ATRN: variants seen among roughly 807,000 people sequenced by gnomAD.
ATRN encodes attractin-2.
ATRN carries 54 observed loss-of-function variants against 178.7 expected under a neutral mutation model. The ratio of observed to expected loss-of-function variants is 0.30; its 90% confidence interval spans 0.24 to 0.38. ATRN has a LOEUF of 0.38. Ranked by LOEUF, ATRN falls within the 10% of genes least tolerant of loss-of-function variation. The pLI, the probability that ATRN is intolerant of heterozygous loss-of-function variation, is 1.00. For synonymous variants in ATRN, 636 were observed against 663.0 expected (o/e 0.96, Z 0.63); for missense variants, 1,443 against 1,815.1 (o/e 0.79, Z 3.73).
At chr20:3,581,853 T>C (rs1364862116) in intron 15 of ATRN, among the ~76,000 whole-genome samples, 1 of 152,230 alleles carries the variant, frequency 6.6e-6, no homozygotes, top group Admixed American at 6.5e-5. Flanking sequence ...TAATCTACCA[T>C]GGCTGAGTCA....
At chr20:3,553,012 C>T (rs2085810942) in intron 6 of ATRN, among the ~76,000 whole-genome samples, 1 of 152,056 alleles carries the variant, frequency 6.6e-6, no homozygotes, top group Non-Finnish European at 1.5e-5. Flanking sequence ...CTGCTTACCT[C>T]CTAGGGGAGG....
In ATRN at chr20:3,632,917, G is replaced by A. The variant is rs1199312290; in HGVS notation, c.3864-1394G>A. The stretch of plus-strand genomic sequence containing the variant: ...TGCCAAGGCAGGCAGATCACTTGAG[G>A]TTAGGAGTTTGAGACCAGACTGGCC... On this transcript the variant is annotated intron_variant, in intron 25 of 28. Transcript: ENST00000262919. The surrounding 1 kb of genome is among the most constrained non-coding windows in gnomAD (Gnocchi z 4.2). Among the ~76,000 whole-genome samples the A allele has an allele frequency of 6.6e-6, 1 of 152,204 alleles. No homozygotes were observed. The highest frequency in any genetic ancestry group is 2.4e-5 in the African/African-American group (1 of 41,438).
At chr20:3,473,677 A>G (rs1040227206) in intron 1 of ATRN, among the ~76,000 whole-genome samples, 2 of 152,226 alleles carry the variant, frequency 1.3e-5, no homozygotes, top group African/African-American at 4.8e-5. Flanking sequence ...TGGTTGAGTC[A>G]GACGAGGATC....
chr20:3,587,880 CTG>C (rs2086380105), intron 18 of ATRN, among the ~76,000 whole-genome samples: 1 of 152,146 alleles, frequency 6.6e-6, no homozygotes, highest in Admixed American at 6.6e-5. Flanking sequence ...GGGTCTCACT[CTG>C]TCACCCAGGC....
intron 6 of ATRN, among the ~76,000 whole-genome samples, chr20:3,551,057 G>T (rs1008677292): frequency 6.6e-6 from 1 of 152,206 alleles, no homozygotes; most frequent in Non-Finnish European, 1.5e-5. Context: ...CCTGGCTGGT[G>T]CAGTGCACCC....
intron 1 of ATRN, among the ~76,000 whole-genome samples, chr20:3,517,039 C>G (rs773825384): frequency 4.6e-5 from 7 of 152,096 alleles, no homozygotes; most frequent in Non-Finnish European, 7.4e-5. Flanking sequence ...ATTTCTGGTT[C>G]TAGATCTTTG....
At chr20:3,602,098 G>A (rs929780231) in intron 23 of ATRN, among the ~76,000 whole-genome samples, 1 of 152,076 alleles carries the variant, frequency 6.6e-6, no homozygotes, top group Non-Finnish European at 1.5e-5. Context: ...GGAAGCCAAG[G>A]TGGGAAGATC....
At position 3,598,014 on chromosome 20, in the gene ATRN, A is replaced by G; in HGVS notation, c.3564+14A>G. On this transcript the variant is annotated intron_variant, in intron 22 of 28. Transcript: ENST00000262919. Reference sequence around the variant, plus strand: ...ACTCCTGACGAAGTAAGATTTTTTAAAGTCTTCCTATTTTGTTTTGAATTT... The same window carrying G: ...ACTCCTGACGAAGTAAGATTTTTTAGAGTCTTCCTATTTTGTTTTGAATTT... The G allele has an allele frequency of 6.5e-7, 1 of 1,538,416 alleles. No homozygotes were observed. The highest frequency in any genetic ancestry group is 9.0e-7 in the Non-Finnish European group (1 of 1,112,824).
At chr20:3,495,918 A>G (rs2084872621) in intron 1 of ATRN, among the ~76,000 whole-genome samples, 1 of 152,140 alleles carries the variant, frequency 6.6e-6, no homozygotes, top group Non-Finnish European at 1.5e-5. Flanking sequence ...AATAAAAATG[A>G]TTAAGGAGAG....
At chr20:3,517,861 CCCCAGGAGTCTTCGTAGCTT>C (rs1214143849) in intron 1 of ATRN, among the ~76,000 whole-genome samples, 1 of 151,966 alleles carries the variant, frequency 6.6e-6, no homozygotes, top group Non-Finnish European at 1.5e-5. Context: ...GGCCCTGGAG[CCCCAGGAGTCTTCGTAGCTT>C]CCCACTCAGG....
At chr20:3,637,152 G>GAA (rs1045355937) in intron 26 of ATRN, among the ~76,000 whole-genome samples, 2 of 152,178 alleles carry the variant, frequency 1.3e-5, no homozygotes, top group Non-Finnish European at 2.9e-5. Context: ...TTACCCGTGT[G>GAA]ATTTGGAATT....
At chr20:3,509,335 TCTGACAAAATAGACTTAAGAAGGA>T (rs2146123908) in intron 1 of ATRN, among the ~76,000 whole-genome samples, 1 of 152,334 alleles carries the variant, frequency 6.6e-6, no homozygotes, top group South Asian at 2.1e-4. Context: ...TATGTCTATA[TCTGACAAAATAGACTTAAGAAGGA>T]TTGCTAGAGG....
At chr20:3,639,748 T>G (rs185714107) in intron 27 of ATRN, among the ~76,000 whole-genome samples, 2 of 152,292 alleles carry the variant, frequency 1.3e-5, no homozygotes, top group African/African-American at 4.8e-5. Context: ...TAAAACATAC[T>G]TATTTAAAAT....
At chr20:3,543,908 C>T (rs2070177605) in intron 3 of ATRN, among the ~76,000 whole-genome samples, 2 of 151,992 alleles carry the variant, frequency 1.3e-5, no homozygotes, top group South Asian at 4.2e-4. Context: ...GTGGTGTGTG[C>T]CTGTAGTCCC....
chr20:3,512,729 A>G (rs928010889), intron 1 of ATRN, among the ~76,000 whole-genome samples: 79 of 152,274 alleles, frequency 5.2e-4, no homozygotes, highest in Non-Finnish European at 9.9e-4. Context: ...CACCAACAGT[A>G]TAAAAGTGTT....
chr20:3,474,916 C>T (rs948069012), intron 1 of ATRN, among the ~76,000 whole-genome samples: 16 of 151,130 alleles, frequency 1.1e-4, no homozygotes, highest in Admixed American at 2.0e-4. Flanking sequence ...CCTGTGATCC[C>T]AGCTACTCGG....
At chr20:3,503,902 A>G (rs1251137072) in intron 1 of ATRN, among the ~76,000 whole-genome samples, 6 of 152,188 alleles carry the variant, frequency 3.9e-5, no homozygotes, top group Non-Finnish European at 8.8e-5. Context: ...AAACACCAAG[A>G]TACATTATAA....
At chr20:3,643,987 G>A (rs2087088636) in intron 27 of ATRN, among the ~76,000 whole-genome samples, 167 bp from the exon 28 acceptor site, 2 of 152,212 alleles carry the variant, frequency 1.3e-5, no homozygotes, top group African/African-American at 2.4e-5. Context: ...GGTGCTCAGA[G>A]AGTACTGTTA....
chr20:3,559,661 CAA>C lies in ATRN; in HGVS notation c.1203+179_1203+180del, dbSNP rs147074920. ...AATTAAAATGGAAACTTTTTTAACT[CAA>C]GAGATTTTAATGGCTTCAAACTGTA... On this transcript the variant is annotated intron_variant, in intron 7 of 28. Coordinates refer to ENST00000262919, the MANE Select transcript of ATRN (RefSeq NM_139321.3). 4.1e-4 allele frequency among the ~76,000 whole-genome samples: 63 copies of C among 152,200 alleles called. 2 individuals are homozygous for C. The South Asian group carries it at 9.8e-3, about 24-fold the overall frequency.
Sources: gnomAD v4.1 joint callset for allele counts (sites outside exome capture counted in the v4.1 genomes callset) on GRCh38, gnomAD v4.1.1 for gene constraint, Gnocchi (gnomAD v3.1) non-coding constraint, MANE v1.5 for transcripts, NCBI Gene and HGNC (gene_info 2026-07-23, HGNC 2026-07-21) for gene names.